TMEM161B: variants seen among roughly 807,000 people sequenced by gnomAD.
TMEM161B encodes the protein transmembrane protein 161B.
Under a neutral mutation model 61.8 loss-of-function variants are expected in TMEM161B, and 34 were observed. That is an observed-to-expected ratio of 0.55 (90% confidence interval 0.42 to 0.73). The LOEUF is 0.73. Ranked by LOEUF, TMEM161B falls within the 30% of genes least tolerant of loss-of-function variation. The pLI is 0.00. For missense variants in TMEM161B, 456 were observed against 558.5 expected (o/e 0.82, Z 1.85); for synonymous variants, 167 against 192.8 (o/e 0.87, Z 1.11).
At chr5:88,245,486 C>T (rs556881586) in intron 1 of TMEM161B, among the ~76,000 whole-genome samples, 4 of 151,986 alleles carry the variant, frequency 2.6e-5, no homozygotes, top group African/African-American at 9.6e-5. Flanking sequence ...GTTTTGTAAA[C>T]AATGGCAACA....
chr5:88,245,599 T>C lies in TMEM161B; in HGVS notation c.4-4683A>G, dbSNP rs79226129. On this transcript the variant is annotated intron_variant, in intron 1 of 11. Transcript: ENST00000296595. ...TATATAATAATTTATTAAAAGTATA[T>C]GATTTCTGCTCCTTAACAGCAAAAA... Among the ~76,000 whole-genome samples the C allele has an allele frequency of 4.7e-3, 709 of 152,098 alleles. 11 individuals are homozygous for C. The highest frequency in any genetic ancestry group is 0.016 in the African/African-American group (681 of 41,546).
At chr5:88,222,811 ACT>A (rs1286417140) in intron 4 of TMEM161B, among the ~76,000 whole-genome samples, 1 of 152,154 alleles carries the variant, frequency 6.6e-6, no homozygotes, top group Non-Finnish European at 1.5e-5. Flanking sequence ...TGGCTATTTA[ACT>A]CAAGTGTTAT....
intron 1 of TMEM161B, among the ~76,000 whole-genome samples, chr5:88,245,408 A>C (rs1445580329): frequency 6.6e-6 from 1 of 151,932 alleles, no homozygotes; most frequent in Non-Finnish European, 1.5e-5. Flanking sequence ...ATTAGTAAGT[A>C]TGCCAGAAGG....
intron 1 of TMEM161B, 47 bp downstream of exon 1, chr5:88,268,674 C>T (rs1318266686): frequency 3.7e-6 from 6 of 1,613,830 alleles, no homozygotes; most frequent in Non-Finnish European, 4.2e-6. Context: ...ACCTCCCCGC[C>T]CTTTTCGCCC....
intron 8 of TMEM161B, among the ~76,000 whole-genome samples, chr5:88,203,699 TTTTAA>T (rs892599096): frequency 2.1e-5 from 3 of 143,358 alleles, no homozygotes; most frequent in African/African-American, 7.8e-5. Context: ...TGATTCCACA[TTTTAA>T]TTTCTTTTTG....
downstream of TMEM161B, among the ~76,000 whole-genome samples, chr5:88,191,643 G>T (rs539306246): frequency 6.6e-6 from 1 of 152,178 alleles, no homozygotes; most frequent in South Asian, 2.1e-4. Context: ...ATAACACAGA[G>T]AAATCAGTTA....
In TMEM161B at chr5:88,225,819, T is replaced by A. The variant is rs748406558; in HGVS notation, c.239A>T (p.Asp80Val). ...CTTTGTTTCTAGATGAAGGTCAATA[T>A]CCTTTGGAATGGTTAATGGCTTACT... ...IESKPLTIPK[D>V]IDLHLETKSV... Residue 80 changes from aspartate (D) to valine (V), a missense_variant, in exon 4 of 12, where the codon GAT (aspartate) becomes GTT (valine). Physicochemically the swap from Asp to Val is radical, Grantham distance 152. This residue lies in a region of TMEM161B where 85 missense variants were observed against 111.2 expected (regional missense o/e 0.76). Coordinates refer to ENST00000296595, the MANE Select transcript of TMEM161B (RefSeq NM_153354.5). 1 of 1,611,718 alleles carries A rather than the reference T, an allele frequency of 6.2e-7. No homozygotes were observed. Among genetic ancestry groups the A allele is most frequent in the East Asian group, 2.2e-5 (1 of 44,688 alleles).
At chr5:88,231,732 G>A (rs1035266218) in intron 2 of TMEM161B, among the ~76,000 whole-genome samples, 7 of 152,056 alleles carry the variant, frequency 4.6e-5, no homozygotes, top group Non-Finnish European at 1.0e-4. Context: ...ATTGATTCTC[G>A]TTATTCGCGG....
intron 5 of TMEM161B, among the ~76,000 whole-genome samples, chr5:88,208,587 A>C (rs932422982): frequency 6.6e-6 from 1 of 152,220 alleles, no homozygotes; most frequent in African/African-American, 2.4e-5. Flanking sequence ...GGTTGCAGTG[A>C]GCCGAGATAG....
chr5:88,241,893 A>C (rs1401821656), intron 1 of TMEM161B, among the ~76,000 whole-genome samples: 1 of 151,724 alleles, frequency 6.6e-6, no homozygotes, highest in Non-Finnish European at 1.5e-5. Context: ...TAAGCTCACA[A>C]AGTCACTTAT....
intron 4 of TMEM161B, among the ~76,000 whole-genome samples, chr5:88,225,170 C>T (rs1313052846): frequency 3.3e-5 from 5 of 151,754 alleles, no homozygotes; most frequent in African/African-American, 7.3e-5. Flanking sequence ...GGTTTCACCA[C>T]ATTAGCCAGG....
chr5:88,240,107 TG>T (rs1470673572), intron 2 of TMEM161B, among the ~76,000 whole-genome samples: 2 of 151,642 alleles, frequency 1.3e-5, no homozygotes, highest in African/African-American at 4.8e-5. Context: ...GGGAGGTACA[TG>T]TTTCAGCAAG....
chr5:88,209,642 T>C (rs1173255177), intron 5 of TMEM161B, among the ~76,000 whole-genome samples: 4 of 152,190 alleles, frequency 2.6e-5, no homozygotes, highest in Non-Finnish European at 5.9e-5. Context: ...CCTCACTTCA[T>C]ATTGCATACT....
chr5:88,229,718 G>C (rs566095907), intron 2 of TMEM161B, among the ~76,000 whole-genome samples: 116 of 149,034 alleles, frequency 7.8e-4, no homozygotes, highest in Admixed American at 1.2e-3. Context: ...CAAAAATCTA[G>C]ATTTTTTAAA....
At chr5:88,234,499 A>G (rs1454353370) in intron 2 of TMEM161B, among the ~76,000 whole-genome samples, 2 of 152,206 alleles carry the variant, frequency 1.3e-5, no homozygotes, top group African/African-American at 4.8e-5. Flanking sequence ...TTGCATATAC[A>G]GTTTGATTCC....
intron 4 of TMEM161B, among the ~76,000 whole-genome samples, chr5:88,225,079 T>G (rs571098252): frequency 9.4e-4 from 140 of 149,084 alleles, no homozygotes; most frequent in Non-Finnish European, 1.6e-3. Flanking sequence ...GTCATTCTCC[T>G]GCCTCAGCTC....
Position 88,228,507 on chromosome 5 carries a change from A to G in TMEM161B, c.129T>C (p.Pro43=). 6.2e-7 allele frequency: 1 copy of G among 1,607,392 alleles called. No individual in the cohort carries two copies. The highest frequency in any genetic ancestry group is 8.5e-7 in the Non-Finnish European group (1 of 1,178,006). The change falls in exon 3 of 12, where the codon CCT becomes CCC. Residue 43 remains proline, a synonymous_variant. Transcript: ENST00000296595. The part of the protein sequence containing the change: ...CNGSLRWYQH[P]TEEELRILAG... ...CAAGAATTCTTAATTCTTCTTCTGT[A>G]GGATGTTGATACCACCTCAAACTAA... is the stretch of plus-strand genomic sequence containing the variant.
intron 5 of TMEM161B, among the ~76,000 whole-genome samples, chr5:88,209,702 C>T (rs1746302027): frequency 6.6e-6 from 1 of 152,022 alleles, no homozygotes; most frequent in African/African-American, 2.4e-5. Flanking sequence ...ATTAGAACAC[C>T]ATCTCCCAAT....
At chr5:88,202,593 A>G (rs1744636399) in intron 9 of TMEM161B, 1 of 236,002 alleles carries the variant, frequency 4.2e-6, no homozygotes, top group African/African-American at 2.4e-5. Context: ...AGTTGAGTAT[A>G]TGAGTTTCCA....
Sources: allele counts gnomAD v4.1 joint callset (sites outside exome capture counted in the v4.1 genomes callset), GRCh38; gene constraint gnomAD v4.1.1; regional missense constraint gnomAD v4.1.1; transcripts MANE v1.5; gene names NCBI Gene and HGNC (gene_info 2026-07-23, HGNC 2026-07-21).